The following TSPAN5 variants were observed in gnomAD, a reference collection of about 807,000 sequenced individuals.
TSPAN5 encodes the protein tetraspanin-5.
Under a neutral mutation model 37.1 loss-of-function variants are expected in TSPAN5, and 10 were observed. The observed-to-expected ratio is 0.27, with a 90% CI of 0.17 to 0.46. TSPAN5 has a LOEUF of 0.46. Ranked by LOEUF, TSPAN5 falls within the 20% of genes least tolerant of loss-of-function variation. TSPAN5 has a pLI of 1.00. For missense variants in TSPAN5, 195 were observed against 326.6 expected, an observed-to-expected ratio of 0.60 and a Z score of 3.11; for synonymous variants, 110 against 118.9, an observed-to-expected ratio of 0.93 and a Z score of 0.48.
intron 1 of TSPAN5, among the ~76,000 whole-genome samples, chr4:98,549,007 T>C (rs1490701381): frequency 6.6e-6 from 1 of 152,126 alleles, no homozygotes; most frequent in African/African-American, 2.4e-5. Flanking sequence ...AGCAGTGTGG[T>C]GAACATATGA....
intron 1 of TSPAN5, among the ~76,000 whole-genome samples, chr4:98,533,613 C>T (rs193166105): frequency 1.4e-4 from 17 of 125,284 alleles, no homozygotes; most frequent in Admixed American, 7.7e-4. Flanking sequence ...TGCAGTGGCG[C>T]GATCTTGGCT....
chr4:98,586,343 T>C (rs1396873616), intron 1 of TSPAN5, among the ~76,000 whole-genome samples: 2 of 152,170 alleles, frequency 1.3e-5, no homozygotes, highest in African/African-American at 4.8e-5. Flanking sequence ...TTTGGGACAA[T>C]CTAACCTTTC....
intron 1 of TSPAN5, among the ~76,000 whole-genome samples, chr4:98,655,429 G>GAAACTGAGGCCCAGGCAGT (rs1253300612): frequency 2.0e-5 from 3 of 152,170 alleles, no homozygotes; most frequent in Admixed American, 2.0e-4. Flanking sequence ...TAACAGCTGA[G>GAAACTGAGGCCCAGGCAGT]AAACTGAGGC....
At chr4:98,522,174 A>C (rs1448389054) in intron 1 of TSPAN5, among the ~76,000 whole-genome samples, 2 of 152,236 alleles carry the variant, frequency 1.3e-5, no homozygotes, top group African/African-American at 2.4e-5. Context: ...CTATGTGCCC[A>C]ACCCCCACAT....
intron 1 of TSPAN5, among the ~76,000 whole-genome samples, chr4:98,648,043 A>G (rs1290941350): frequency 6.6e-6 from 1 of 152,236 alleles, no homozygotes; most frequent in Non-Finnish European, 1.5e-5. Context: ...ACAGGAAAAC[A>G]CTAGGCATAA....
At chr4:98,609,115 C>CAA (rs111450514) in intron 1 of TSPAN5, among the ~76,000 whole-genome samples, 55 of 151,018 alleles carry the variant, frequency 3.6e-4, no homozygotes, top group African/African-American at 1.3e-3. Context: ...GGAATGGATG[C>CAA]AAAAAAAATG....
At chr4:98,477,459 C>T (rs1427815918) in intron 5 of TSPAN5, among the ~76,000 whole-genome samples, 1 of 152,130 alleles carries the variant, frequency 6.6e-6, no homozygotes, top group Non-Finnish European at 1.5e-5. Context: ...CAGCCTCCAC[C>T]ATAAGAAGGA....
chr4:98,550,079 T>C (rs1334291582), intron 1 of TSPAN5, among the ~76,000 whole-genome samples: 1 of 152,138 alleles, frequency 6.6e-6, no homozygotes, highest in Admixed American at 6.6e-5. Context: ...ATAAGAGGTA[T>C]GGGTTCAGTT....
intron 2 of TSPAN5, among the ~76,000 whole-genome samples, chr4:98,507,457 G>T (rs17027628): frequency 0.19 from 29,643 of 152,124 alleles, 3,074 homozygotes; most frequent in East Asian, 0.41. Flanking sequence ...TGTTGAGCAC[G>T]TGTATTGTTA....
intron 1 of TSPAN5, among the ~76,000 whole-genome samples, chr4:98,581,643 T>C (rs1343430691): frequency 6.6e-6 from 1 of 152,204 alleles, no homozygotes; most frequent in Non-Finnish European, 1.5e-5. Context: ...ATTAACAACC[T>C]AATATTCTGT....
At chr4:98,547,771 C>T (rs1754501720) in intron 1 of TSPAN5, among the ~76,000 whole-genome samples, 1 of 152,052 alleles carries the variant, frequency 6.6e-6, no homozygotes, top group Non-Finnish European at 1.5e-5. Flanking sequence ...CTTTGGGAAG[C>T]CGAGGTAGAC....
At chr4:98,562,589 AGGT>A (rs1452789092) in intron 1 of TSPAN5, among the ~76,000 whole-genome samples, 1 of 152,172 alleles carries the variant, frequency 6.6e-6, no homozygotes. Context: ...TGAACCTGGG[AGGT>A]GGAGGTTGCA....
At chr4:98,600,095 A>C (rs1755849790) in intron 1 of TSPAN5, among the ~76,000 whole-genome samples, 2 of 152,198 alleles carry the variant, frequency 1.3e-5, no homozygotes, top group Admixed American at 1.3e-4. Flanking sequence ...ACTATACTGC[A>C]TCTAGTAAGT....
At chr4:98,586,369 G>C (rs1394843616) in intron 1 of TSPAN5, among the ~76,000 whole-genome samples, 3 of 151,992 alleles carry the variant, frequency 2.0e-5, no homozygotes, top group East Asian at 3.9e-4. Flanking sequence ...TAACTGACTT[G>C]TCTGTGTGAA....
intron 1 of TSPAN5, among the ~76,000 whole-genome samples, chr4:98,566,282 C>G (rs772679488): frequency 1.2e-4 from 18 of 151,486 alleles, no homozygotes; most frequent in Non-Finnish European, 1.9e-4. Flanking sequence ...CAAAGTGGAG[C>G]CCCAGCATTT....
At chr4:98,545,578 G>A (rs1402119850) in intron 1 of TSPAN5, among the ~76,000 whole-genome samples, 2 of 151,808 alleles carry the variant, frequency 1.3e-5, no homozygotes, top group African/African-American at 2.4e-5. Context: ...CACCCAGGCT[G>A]GAGTCCAGTG....
At chr4:98,559,192 C>CA (rs1420135303) in intron 1 of TSPAN5, among the ~76,000 whole-genome samples, 1 of 152,062 alleles carries the variant, frequency 6.6e-6, no homozygotes, top group African/African-American at 2.4e-5. Flanking sequence ...TTTTCTACAG[C>CA]AAAAAGGAAT....
chr4:98,479,173 C>T (rs1033521079), intron 4 of TSPAN5, among the ~76,000 whole-genome samples: 4 of 152,152 alleles, frequency 2.6e-5, no homozygotes, highest in Non-Finnish European at 2.9e-5. Flanking sequence ...AAGACACTAA[C>T]GACAGTGGTA....
chr4:98,559,024 C>T (rs567345100), intron 1 of TSPAN5, among the ~76,000 whole-genome samples: 1 of 152,176 alleles, frequency 6.6e-6, no homozygotes, highest in Non-Finnish European at 1.5e-5. Context: ...AGAGCAGAAT[C>T]CTAACCCATG....
Sources: gnomAD v4.1 joint callset for allele counts (sites outside exome capture counted in the v4.1 genomes callset) on GRCh38, gnomAD v4.1.1 for gene constraint, MANE v1.5 for transcripts, NCBI Gene and HGNC (gene_info 2026-07-23, HGNC 2026-07-21) for gene names.